ZNF536: variants seen among roughly 807,000 people sequenced by gnomAD.
The protein encoded by ZNF536 is zinc finger protein 536.
ZNF536 carries 13 observed loss-of-function variants against 84.5 expected under a neutral mutation model. That is an observed-to-expected ratio of 0.15 (90% CI 0.10 to 0.24). ZNF536 has a LOEUF of 0.24. ZNF536 is among the 10% of genes least tolerant of loss of function. The pLI, the probability that ZNF536 is intolerant of heterozygous loss-of-function variation, is 1.00. For missense variants in ZNF536, 1,536 were observed against 1,747.5 expected, an observed-to-expected ratio of 0.88 and a Z score of 2.16; for synonymous variants, 811 against 742.5, an observed-to-expected ratio of 1.09 and a Z score of -1.50.
chr19:30,580,575 C>G (rs962683373), intron 1 of ZNF536, among the ~76,000 whole-genome samples: 2 of 152,090 alleles, frequency 1.3e-5, no homozygotes, highest in African/African-American at 4.8e-5. Context: ...GTGCTGGGAG[C>G]AAGACTCTCC....
At chr19:30,254,332 T>C (rs2024790799) in intron 1 of ZNF536, among the ~76,000 whole-genome samples, 1 of 152,184 alleles carries the variant, frequency 6.6e-6, no homozygotes, top group Admixed American at 6.5e-5. Flanking sequence ...TCTGTACCAC[T>C]CAATTACAGA....
chr19:30,684,418 T>C (rs1008186220), intron 1 of ZNF536, among the ~76,000 whole-genome samples: 1 of 152,202 alleles, frequency 6.6e-6, no homozygotes, highest in Non-Finnish European at 1.5e-5. Flanking sequence ...ATTACAGGTT[T>C]GAGCCACCGC....
At chr19:30,277,411 T>G (rs2045275695) in intron 1 of ZNF536, among the ~76,000 whole-genome samples, 1 of 152,174 alleles carries the variant, frequency 6.6e-6, no homozygotes, top group South Asian at 2.1e-4. Context: ...GGTATCAGGT[T>G]TCTGTGAGCT....
rs2044894585 is a variant in ZNF536, at chr19:30,532,770, A to C, written c.2171-2077A>C. Reference sequence around the variant, plus strand: ...GGGTATGTGGTTGGCTGGAAATGACATCTAGCCATCACTCCTTCTGGCAGC... The same window carrying C: ...GGGTATGTGGTTGGCTGGAAATGACCTCTAGCCATCACTCCTTCTGGCAGC... On this transcript the variant is annotated intron_variant, in intron 2 of 4. Transcript: ENST00000355537. Among the ~76,000 whole-genome samples the C allele has an allele frequency of 2.0e-5, 3 of 152,196 alleles. No homozygotes were observed. The South Asian group carries it at 6.2e-4, about 31-fold the overall frequency.
In ZNF536 at chr19:30,601,519, C is replaced by T. The variant is rs138292670; in HGVS notation, c.169+52005C>T. 1.3e-4 allele frequency among the ~76,000 whole-genome samples: 20 copies of T among 152,272 alleles called. No homozygotes were observed. In the East Asian group the frequency reaches 3.9e-3, roughly 29 times the overall value. On this transcript the variant is annotated intron_variant, in intron 1 of 1. Coordinates refer to the ZNF536 transcript ENST00000592773. Reference sequence around the variant, plus strand: ...ATGGCTTCAGGGACTGCAGGAAACCCCTAAATTGCATGTAACACTTGAATA... The same window carrying T: ...ATGGCTTCAGGGACTGCAGGAAACCTCTAAATTGCATGTAACACTTGAATA...
chr19:30,343,959 G>A lies in ZNF536; in HGVS notation c.-119-8409G>A, dbSNP rs548859602. On this transcript the variant is annotated intron_variant, in intron 2 of 5. Transcript: ENST00000585628. Reference sequence around the variant, plus strand: ...AAAAACTTATTTCAGTCCTTTTTAAGGTAATAGCTTGGTGTAACAGTCAAG... The same window carrying A: ...AAAAACTTATTTCAGTCCTTTTTAAAGTAATAGCTTGGTGTAACAGTCAAG... 1.4e-3 allele frequency among the ~76,000 whole-genome samples: 210 copies of A among 152,202 alleles called. 1 individual carries two copies. The highest frequency in any genetic ancestry group is 4.9e-3 in the African/African-American group (204 of 41,526).
chr19:30,484,097 A>G (rs1431515236), intron 2 of ZNF536, among the ~76,000 whole-genome samples: 1 of 151,834 alleles, frequency 6.6e-6, no homozygotes, highest in Non-Finnish European at 1.5e-5. Context: ...CCATCGAATC[A>G]CAGGTGTTCT....
intron 2 of ZNF536, among the ~76,000 whole-genome samples, chr19:30,326,665 C>T (rs1163831442): frequency 6.6e-6 from 1 of 151,444 alleles, no homozygotes; most frequent in Non-Finnish European, 1.5e-5. Context: ...AGACGGCTTT[C>T]GATGCGGGAG....
chr19:30,395,649 A>G (rs1051651178), intron 1 of ZNF536, among the ~76,000 whole-genome samples: 1 of 152,130 alleles, frequency 6.6e-6, no homozygotes, highest in African/African-American at 2.4e-5. Flanking sequence ...TTGAAATGCA[A>G]CCTTAATAGC....
At chr19:30,648,083 G>A (rs1336429749) in intron 1 of ZNF536, among the ~76,000 whole-genome samples, 2 of 152,138 alleles carry the variant, frequency 1.3e-5, no homozygotes, top group Non-Finnish European at 2.9e-5. Context: ...AGGCTGTACT[G>A]TGGGCTCATC....
At chr19:30,666,832 G>GTATATATATATA (rs67781281) in intron 1 of ZNF536, among the ~76,000 whole-genome samples, 50 of 149,106 alleles carry the variant, frequency 3.4e-4, no homozygotes, top group African/African-American at 1.1e-3. Flanking sequence ...GTGTGTGTGT[G>GTATATATATATA]TATATATATA....
chr19:30,386,667 G>A (rs1290445880), intron 1 of ZNF536, among the ~76,000 whole-genome samples: 1 of 152,252 alleles, frequency 6.6e-6, no homozygotes, highest in African/African-American at 2.4e-5. Flanking sequence ...CGTGAGCCAT[G>A]ATGCCTGGCC....
At chr19:30,398,556 C>A (rs1382695369) in intron 1 of ZNF536, among the ~76,000 whole-genome samples, 2 of 152,106 alleles carry the variant, frequency 1.3e-5, no homozygotes, top group Non-Finnish European at 2.9e-5. Flanking sequence ...CAATCCCGGA[C>A]AGGCCCCAGT....
intron 1 of ZNF536, among the ~76,000 whole-genome samples, chr19:30,606,544 C>T (rs189396556): frequency 2.0e-5 from 3 of 152,186 alleles, no homozygotes; most frequent in African/African-American, 4.8e-5. Flanking sequence ...TTTATTCCAC[C>T]GTTGGGAGGC....
At chr19:30,380,180 T>G (rs187749778) in intron 1 of ZNF536, among the ~76,000 whole-genome samples, 16 of 152,238 alleles carry the variant, frequency 1.1e-4, no homozygotes, top group Middle Eastern at 3.4e-3. Flanking sequence ...GGCCTTTCTG[T>G]GAAAACAGAT....
chr19:30,356,717 C>T (rs933209030), intron 3 of ZNF536, among the ~76,000 whole-genome samples: 1 of 152,226 alleles, frequency 6.6e-6, no homozygotes, highest in Non-Finnish European at 1.5e-5. Flanking sequence ...AATTTTAACT[C>T]TAGAGAGAAG....
intron 1 of ZNF536, among the ~76,000 whole-genome samples, chr19:30,601,474 T>C (rs1163171839): frequency 1.3e-5 from 2 of 152,180 alleles, no homozygotes; most frequent in Non-Finnish European, 2.9e-5. Flanking sequence ...GTCTCTGGGC[T>C]ACGCTAGGAG....
At chr19:30,285,692 G>A (rs2045601079) in intron 2 of ZNF536, among the ~76,000 whole-genome samples, 2 of 152,070 alleles carry the variant, frequency 1.3e-5, no homozygotes, top group African/African-American at 4.8e-5. Flanking sequence ...TCTGACATAG[G>A]GTCTTTCACA....
chr19:30,569,914 C>T (rs912949079), intron 1 of ZNF536, among the ~76,000 whole-genome samples: 10 of 152,054 alleles, frequency 6.6e-5, no homozygotes, highest in East Asian at 1.9e-4. Context: ...CAAATAGCCC[C>T]GGGGGCTGTG....
Sources: gnomAD v4.1 joint callset for allele counts (sites outside exome capture counted in the v4.1 genomes callset) on GRCh38, gnomAD v4.1.1 for gene constraint, MANE v1.5 for transcripts, NCBI Gene and HGNC (gene_info 2026-07-23, HGNC 2026-07-21) for gene names.